The following COMMD1 variants were observed in gnomAD, a reference collection of about 807,000 sequenced individuals.
The protein encoded by COMMD1 is copper metabolism domain containing 1, also known as COMM domain-containing protein 1.
In COMMD1, 10 loss-of-function variants were observed where a neutral mutation model predicts 17.2. The observed-to-expected ratio is 0.58, with a 90% CI of 0.36 to 0.99. The LOEUF is 0.99. Among genes scored for constraint, COMMD1 ranks in the 50% least tolerant of loss-of-function variants. COMMD1 has a pLI of 0.01. For missense variants in COMMD1, 270 were observed against 231.8 expected, an observed-to-expected ratio of 1.17 and a Z score of -1.07; for synonymous variants, 97 against 91.6, an observed-to-expected ratio of 1.06 and a Z score of -0.34.
intron 1 of COMMD1, among the ~76,000 whole-genome samples, chr2:61,919,895 GGT>G (rs1354582532): frequency 1.3e-5 from 2 of 152,100 alleles, no homozygotes; most frequent in Non-Finnish European, 2.9e-5. Context: ...GGGAGGCTGA[GGT>G]GGGAGGATTG....
chr2:62,089,280 C>CTT (rs57279954), intron 2 of COMMD1, among the ~76,000 whole-genome samples: 4 of 135,944 alleles, frequency 2.9e-5, no homozygotes, highest in East Asian at 2.1e-4. Context: ...TTCTTTCTTT[C>CTT]TTTTTTTTTT....
At chr2:62,058,986 G>T (rs1304209280) in intron 2 of COMMD1, among the ~76,000 whole-genome samples, 1 of 152,010 alleles carries the variant, frequency 6.6e-6, no homozygotes, top group East Asian at 1.9e-4. Flanking sequence ...CTCCATGTTA[G>T]TCAGGCCGGT....
chr2:61,913,409 G>A (rs1271221145), intron 1 of COMMD1, among the ~76,000 whole-genome samples: 1 of 150,352 alleles, frequency 6.7e-6, no homozygotes, highest in African/African-American at 2.4e-5. Flanking sequence ...CGGGCATGGT[G>A]GCTCATGCCT....
upstream of COMMD1, among the ~76,000 whole-genome samples, chr2:61,902,134 A>G (rs1241734827): frequency 6.7e-6 from 1 of 149,540 alleles, no homozygotes; most frequent in Non-Finnish European, 1.5e-5. Flanking sequence ...CCCGGCCTAG[A>G]TTTGACTATA....
intron 2 of COMMD1, among the ~76,000 whole-genome samples, chr2:62,132,279 A>G (rs1486923131): frequency 6.6e-6 from 1 of 152,216 alleles, no homozygotes; most frequent in East Asian, 1.9e-4. Context: ...CCAATCACAA[A>G]TGAGTCCTGA....
chr2:62,092,270 C>T (rs1435311714), intron 2 of COMMD1, among the ~76,000 whole-genome samples: 1 of 152,142 alleles, frequency 6.6e-6, no homozygotes, highest in Non-Finnish European at 1.5e-5. Context: ...TTAAAACATT[C>T]AGGGTTTTAG....
At chr2:61,962,198 C>T (rs908058389) in intron 1 of COMMD1, among the ~76,000 whole-genome samples, 1 of 152,040 alleles carries the variant, frequency 6.6e-6, no homozygotes, top group South Asian at 2.1e-4. Context: ...TTTTCCTGGT[C>T]GGATTGCTCC....
chr2:62,135,474 C>T (rs1397325985), intron 2 of COMMD1, among the ~76,000 whole-genome samples: 3 of 152,140 alleles, frequency 2.0e-5, no homozygotes, highest in East Asian at 1.9e-4. Context: ...CCTCAGCCTC[C>T]TGAGTAGCTG....
chr2:62,003,774 A>G (rs1358103650), intron 2 of COMMD1, among the ~76,000 whole-genome samples: 34 of 152,320 alleles, frequency 2.2e-4, no homozygotes, highest in Non-Finnish European at 1.5e-5. Context: ...TTGGTCAGGA[A>G]TATGAAAACA....
At chr2:62,081,424 T>G (rs1671516020) in intron 2 of COMMD1, among the ~76,000 whole-genome samples, 1 of 131,500 alleles carries the variant, frequency 7.6e-6, no homozygotes, top group South Asian at 2.7e-4. Flanking sequence ...GCTAATTTTG[T>G]ATTTTTAGTA....
chr2:62,048,610 A>G (rs1224788340), intron 2 of COMMD1, among the ~76,000 whole-genome samples: 2 of 152,162 alleles, frequency 1.3e-5, no homozygotes, highest in East Asian at 3.9e-4. Flanking sequence ...GGGGTTTACA[A>G]ACTCCCTCAA....
At chr2:62,039,658 G>A (rs1161351326) in intron 2 of COMMD1, among the ~76,000 whole-genome samples, 2 of 152,214 alleles carry the variant, frequency 1.3e-5, no homozygotes, top group African/African-American at 4.8e-5. Context: ...AATTCTGTCT[G>A]ACGAAGGAAC....
chr2:62,033,626 T>C (rs1032072198), intron 2 of COMMD1, among the ~76,000 whole-genome samples: 17 of 152,066 alleles, frequency 1.1e-4, no homozygotes, highest in African/African-American at 3.9e-4. Flanking sequence ...AGAAGTACCT[T>C]AGATATAAAT....
At chr2:61,966,977 T>C (rs550987426) in intron 1 of COMMD1, among the ~76,000 whole-genome samples, 1 of 152,266 alleles carries the variant, frequency 6.6e-6, no homozygotes, top group Non-Finnish European at 1.5e-5. Context: ...AGTAACATTT[T>C]TTCTCTTTTC....
At chr2:62,074,535 C>G (rs1354931208) in intron 2 of COMMD1, among the ~76,000 whole-genome samples, 1 of 152,204 alleles carries the variant, frequency 6.6e-6, no homozygotes, top group Non-Finnish European at 1.5e-5. Context: ...TGGGACAAAC[C>G]AGTCAAATTC....
intron 1 of COMMD1, among the ~76,000 whole-genome samples, chr2:61,911,224 A>G (rs887732434): frequency 6.6e-6 from 1 of 151,976 alleles, no homozygotes; most frequent in African/African-American, 2.4e-5. Flanking sequence ...CTGTAATCCC[A>G]GCACTTTGGG....
chr2:61,970,945 T>C (rs1249787999), intron 1 of COMMD1, among the ~76,000 whole-genome samples: 1 of 152,174 alleles, frequency 6.6e-6, no homozygotes, highest in Non-Finnish European at 1.5e-5. Flanking sequence ...AGGGTCCCTG[T>C]TGCCCAGGCT....
chr2:61,958,355 C>G (rs1376731636), intron 1 of COMMD1, among the ~76,000 whole-genome samples: 2 of 151,944 alleles, frequency 1.3e-5, no homozygotes, highest in African/African-American at 2.4e-5. Context: ...CAACCTCTGC[C>G]TCCTGGGTTC....
intron 1 of COMMD1, among the ~76,000 whole-genome samples, chr2:61,941,977 G>T (rs1346878465): frequency 6.6e-6 from 1 of 151,796 alleles, no homozygotes; most frequent in East Asian, 1.9e-4. Context: ...TATTTGTCCT[G>T]GCTTACTTTT....
Sources: gnomAD v4.1 joint callset for allele counts (sites outside exome capture counted in the v4.1 genomes callset) on GRCh38, gnomAD v4.1.1 for gene constraint, MANE v1.5 for transcripts, NCBI Gene and HGNC (gene_info 2026-07-23, HGNC 2026-07-21) for gene names.